The following TRIO variants were observed in gnomAD, a reference collection of about 807,000 sequenced individuals.
The protein encoded by TRIO is trio Rho guanine nucleotide exchange factor, also known as triple functional domain protein.
In TRIO, 58 loss-of-function variants were observed where a neutral mutation model predicts 351.9. That is an observed-to-expected ratio of 0.16 (90% CI 0.13 to 0.21). TRIO has a LOEUF of 0.21. Ranked by LOEUF, TRIO falls within the 10% of genes least tolerant of loss-of-function variation. TRIO has a pLI of 1.00. For synonymous variants in TRIO, 1,758 were observed against 1,595.7 expected (o/e 1.10, Z -2.42); for missense variants, 3,201 against 4,027.8 (o/e 0.79, Z 5.56).
chr5:14,392,563 C>T (rs1747182099), intron 27 of TRIO, among the ~76,000 whole-genome samples: 1 of 152,210 alleles, frequency 6.6e-6, no homozygotes, highest in South Asian at 2.1e-4. Flanking sequence ...TTTAACCCAG[C>T]AGTCCCATTA....
chr5:14,398,773 G>T, intron 29 of TRIO, 107 bp from the exon 30 acceptor site: 1 of 1,072,356 alleles, frequency 9.3e-7, no homozygotes, highest in Non-Finnish European at 1.3e-6. Context: ...ATCTAGGGTT[G>T]GCCGATGGGC....
intron 20 of TRIO, among the ~76,000 whole-genome samples, chr5:14,380,838 C>T (rs569364613): frequency 6.6e-6 from 1 of 152,168 alleles, no homozygotes. Context: ...CAGCAATAGA[C>T]TGGATAAAGA....
At chr5:14,335,577 G>A (rs181738050) in intron 10 of TRIO, among the ~76,000 whole-genome samples, 16 of 152,274 alleles carry the variant, frequency 1.1e-4, no homozygotes, top group East Asian at 5.8e-4. Flanking sequence ...TAGGAATTAA[G>A]GTGATTTTTA....
Position 14,485,067 on chromosome 5 carries a change from A to G in TRIO, c.6658-2A>G. On this transcript the variant is annotated splice_acceptor_variant, in intron 46 of 56. Coordinates refer to ENST00000344204, the MANE Select transcript of TRIO (RefSeq NM_007118.4). LOFTEE classifies it high-confidence loss of function. ...TATGAATAATGTTTTTTTTTTTTTA[A>G]GGTGAGTTGCCTTTGCCTGGAGGAA... The G allele has an allele frequency of 6.6e-7, 1 of 1,510,034 alleles. No homozygotes were observed. The highest frequency in any genetic ancestry group is 8.9e-7 in the Non-Finnish European group (1 of 1,123,910). 93.5% of individuals were successfully genotyped at this position (1,510,034 alleles called of 1,614,324 possible). A position where few individuals can be genotyped will look rare whatever the true frequency, so the allele number is the denominator to read the frequency against.
At chr5:14,484,088 GGCACTGCACTCATCCATCCCCT>G (rs995274881) in intron 46 of TRIO, among the ~76,000 whole-genome samples, 2 of 146,912 alleles carry the variant, frequency 1.4e-5, no homozygotes, top group East Asian at 2.0e-4. Context: ...ATCCATCCCG[GGCACTGCACTCATCCATCCCCT>G]GCACTGCACC....
chr5:14,342,783 A>G (rs77314805), intron 11 of TRIO, among the ~76,000 whole-genome samples: 2,664 of 152,254 alleles, frequency 0.017, 88 homozygotes, highest in African/African-American at 0.061. Flanking sequence ...CACCCCACAT[A>G]TACACACATG....
intron 1 of TRIO, among the ~76,000 whole-genome samples, chr5:14,144,387 A>G (rs1787364149): frequency 6.6e-6 from 1 of 152,178 alleles, no homozygotes; most frequent in Non-Finnish European, 1.5e-5. Flanking sequence ...CCCCATTAGC[A>G]GCCGGGTTTC....
intron 2 of TRIO, among the ~76,000 whole-genome samples, chr5:14,273,961 C>T (rs997380855): frequency 2.0e-5 from 3 of 152,110 alleles, no homozygotes. Flanking sequence ...TCTATATTTC[C>T]ACTTAGTCTT....
chr5:14,475,925 T>G (rs563366144), intron 40 of TRIO, among the ~76,000 whole-genome samples: 1 of 152,302 alleles, frequency 6.6e-6, no homozygotes, highest in South Asian at 2.1e-4. Flanking sequence ...AAAAATATAT[T>G]TAAGTGATAA....
At chr5:14,387,707 G>A (rs1419533537) in intron 22 of TRIO, 25 bp from the exon 23 acceptor site, 8 of 1,612,636 alleles carry the variant, frequency 5.0e-6, no homozygotes, top group Non-Finnish European at 6.8e-6. Context: ...AATTAACTGA[G>A]TTCATTGGCT....
chr5:14,294,362 C>A (rs934300074), intron 6 of TRIO, among the ~76,000 whole-genome samples: 2 of 152,100 alleles, frequency 1.3e-5, no homozygotes, highest in African/African-American at 4.8e-5. Context: ...TACGTCTGTT[C>A]TAGAATTTAA....
At chr5:14,175,439 C>T (rs2152130739) in intron 1 of TRIO, among the ~76,000 whole-genome samples, 1 of 152,080 alleles carries the variant, frequency 6.6e-6, no homozygotes, top group East Asian at 1.9e-4. Flanking sequence ...TAATAGATTC[C>T]ATTTTTTGTT....
intron 18 of TRIO, 126 bp downstream of exon 18, chr5:14,369,649 G>A: frequency 1.6e-6 from 2 of 1,224,478 alleles, no homozygotes; most frequent in Non-Finnish European, 1.1e-6. Flanking sequence ...AATGTAACGG[G>A]GCAGTGTCGC....
intron 11 of TRIO, among the ~76,000 whole-genome samples, chr5:14,340,659 T>G (rs544247728): frequency 9.2e-5 from 14 of 152,252 alleles, no homozygotes; most frequent in Non-Finnish European, 1.8e-4. Flanking sequence ...AAAGTCAAGG[T>G]GATGTTTACT....
rs1349555789 is a variant in TRIO at position 14,286,975 on chromosome 5, G to T, written c.452G>T (p.Cys151Phe). 6.2e-7 allele frequency: 1 copy of T among 1,614,238 alleles called. No homozygotes were observed. The highest frequency in any genetic ancestry group is 8.5e-7 in the Non-Finnish European group (1 of 1,180,038). ...AAGATCCTGCAGGAGTCCTTCCCCTGCTGCATCCATGTGGCCCTGATCATC... is the reference window on the plus strand; with the variant it reads ...AAGATCCTGCAGGAGTCCTTCCCCTTCTGCATCCATGTGGCCCTGATCATC... ...LLKILQESFP[C>F]CIHVALIIKP... The change falls in exon 4 of 57, where the codon TGC (cysteine) becomes TTC (phenylalanine). Residue 151 changes from cysteine to phenylalanine, a missense_variant. Transcript: ENST00000344204. The surrounding 1 kb of genome is among the most constrained non-coding windows in gnomAD (Gnocchi z 4.4).
intron 36 of TRIO, 145 bp from the exon 37 acceptor site, chr5:14,465,396 TTAAA>T (rs1468392225): frequency 2.8e-6 from 2 of 718,664 alleles, no homozygotes; most frequent in Non-Finnish European, 4.6e-6. Context: ...AAGGATGACT[TTAAA>T]TAAATGTAAA....
At chr5:14,374,103 C>A in intron 18 of TRIO, 126 bp from the exon 19 acceptor site, 1 of 621,298 alleles carries the variant, frequency 1.6e-6, no homozygotes, top group Non-Finnish European at 2.8e-6. Flanking sequence ...TATGCATTTT[C>A]TAAACCAGCA....
intron 1 of TRIO, among the ~76,000 whole-genome samples, chr5:14,144,955 T>G (rs1787411863): frequency 6.6e-6 from 1 of 151,768 alleles, no homozygotes; most frequent in Non-Finnish European, 1.5e-5. Context: ...GCGCAGTCCT[T>G]AGCGGGCCGG....
intron 9 of TRIO, among the ~76,000 whole-genome samples, chr5:14,321,671 T>C (rs1232002156): frequency 6.6e-6 from 1 of 152,172 alleles, no homozygotes; most frequent in African/African-American, 2.4e-5. Context: ...CCTGGTTAGG[T>C]TCCCTTGTGG....
Sources: allele counts gnomAD v4.1 joint callset (sites outside exome capture counted in the v4.1 genomes callset), GRCh38; gene constraint gnomAD v4.1.1; non-coding constraint Gnocchi (gnomAD v3.1); transcripts MANE v1.5; gene names NCBI Gene and HGNC (gene_info 2026-07-23, HGNC 2026-07-21).